HHAT: variants seen among roughly 807,000 people sequenced by gnomAD.
The protein encoded by HHAT is hedgehog acyltransferase.
In HHAT, 47 loss-of-function variants were observed where a neutral mutation model predicts 70.8. The observed-to-expected ratio is 0.66, with a 90% CI of 0.53 to 0.85. HHAT has a LOEUF of 0.85. Among genes scored for constraint, HHAT ranks in the 40% least tolerant of loss-of-function variants. The probability of loss-of-function intolerance (pLI) is 0.00; values close to 1 mark genes in which losing one functional copy is unlikely to be tolerated. For missense variants in HHAT, 609 were observed against 604.8 expected (o/e 1.01, Z -0.07); for synonymous variants, 228 against 247.6 (o/e 0.92, Z 0.74).
intron 10 of HHAT, among the ~76,000 whole-genome samples, chr1:210,613,482 G>A (rs1238198888): frequency 2.0e-5 from 3 of 152,110 alleles, no homozygotes; most frequent in African/African-American, 7.2e-5. Flanking sequence ...TGGTCTATAT[G>A]TTTATCTTTA....
intron 11 of HHAT, among the ~76,000 whole-genome samples, chr1:210,647,512 G>A (rs906634015): frequency 6.6e-6 from 1 of 152,156 alleles, no homozygotes; most frequent in Non-Finnish European, 1.5e-5. Context: ...CATATGGCAC[G>A]TTAGGGGGAG....
At chr1:210,531,981 G>A (rs1293430897) in intron 9 of HHAT, among the ~76,000 whole-genome samples, 2 of 152,170 alleles carry the variant, frequency 1.3e-5, no homozygotes, top group African/African-American at 2.4e-5. Flanking sequence ...GGGAAGGTCC[G>A]ACCTTCAAAA....
intron 11 of HHAT, among the ~76,000 whole-genome samples, chr1:210,670,741 G>C (rs1369102990): frequency 1.3e-5 from 2 of 152,174 alleles, no homozygotes; most frequent in African/African-American, 4.8e-5. Flanking sequence ...CCAGTGAGCT[G>C]TGGGCATGTA....
At chr1:210,475,569 G>C (rs1225752844) in intron 8 of HHAT, among the ~76,000 whole-genome samples, 2 of 152,170 alleles carry the variant, frequency 1.3e-5, no homozygotes, top group Non-Finnish European at 2.9e-5. Context: ...GGCAGGGGAA[G>C]CTAGAACATG....
intron 9 of HHAT, among the ~76,000 whole-genome samples, chr1:210,577,746 A>G (rs971668775): frequency 6.2e-5 from 9 of 145,710 alleles, no homozygotes; most frequent in African/African-American, 1.5e-4. Context: ...TCCTGAGTTC[A>G]AGCAATTCTC....
At chr1:210,476,878 A>G (rs981570025) in intron 8 of HHAT, among the ~76,000 whole-genome samples, 1 of 152,228 alleles carries the variant, frequency 6.6e-6, no homozygotes, top group Non-Finnish European at 1.5e-5. Context: ...TCTCCTATGA[A>G]CAGTGTATGC....
intron 10 of HHAT, among the ~76,000 whole-genome samples, chr1:210,596,797 G>A (rs1403661883): frequency 6.6e-6 from 1 of 152,058 alleles, no homozygotes; most frequent in Admixed American, 6.6e-5. Flanking sequence ...ACATATCTTT[G>A]TGTCTCAGTG....
chr1:210,649,649 A>C (rs779394045), intron 11 of HHAT, among the ~76,000 whole-genome samples: 2 of 152,242 alleles, frequency 1.3e-5, no homozygotes, highest in Non-Finnish European at 2.9e-5. Flanking sequence ...TGGAGATCAG[A>C]GTCGAGAATG....
chr1:210,372,991 T>A (rs993748721), intron 3 of HHAT, among the ~76,000 whole-genome samples: 1 of 152,212 alleles, frequency 6.6e-6, no homozygotes, highest in Non-Finnish European at 1.5e-5. Context: ...CTTATGCTAG[T>A]AAACTTTCAG....
At chr1:210,669,524 C>T (rs937063845) in intron 11 of HHAT, among the ~76,000 whole-genome samples, 3 of 152,210 alleles carry the variant, frequency 2.0e-5, no homozygotes, top group Non-Finnish European at 2.9e-5. Context: ...TCCTAGTTAT[C>T]TGCAATTAGC....
At chr1:210,464,945 C>G (rs1572634765) in intron 8 of HHAT, among the ~76,000 whole-genome samples, 2 of 152,282 alleles carry the variant, frequency 1.3e-5, no homozygotes, top group African/African-American at 4.8e-5. Flanking sequence ...CTGGGAAAGG[C>G]TACTGTATCT....
chr1:210,592,550 T>C (rs1036015980), intron 10 of HHAT, among the ~76,000 whole-genome samples: 1 of 152,150 alleles, frequency 6.6e-6, no homozygotes, highest in African/African-American at 2.4e-5. Context: ...TTAGGATTTT[T>C]TTTTTAAATT....
At chr1:210,532,643 G>T (rs1487526281) in intron 9 of HHAT, among the ~76,000 whole-genome samples, 1 of 152,190 alleles carries the variant, frequency 6.6e-6, no homozygotes, top group Non-Finnish European at 1.5e-5. Context: ...TGGAGTTTTA[G>T]ATACTGGATT....
chr1:210,414,684 C>T (rs1373168931), intron 6 of HHAT, among the ~76,000 whole-genome samples: 1 of 152,058 alleles, frequency 6.6e-6, no homozygotes, highest in Non-Finnish European at 1.5e-5. Context: ...CAAATATTCA[C>T]AACATTGTAA....
chr1:210,357,047 C>T (rs907702351), intron 2 of HHAT, among the ~76,000 whole-genome samples: 2 of 152,242 alleles, frequency 1.3e-5, no homozygotes, highest in African/African-American at 4.8e-5. Context: ...AGGCTCCAAA[C>T]ATTCTGTTTG....
chr1:210,438,746 AC>A (rs1305098811), intron 7 of HHAT, among the ~76,000 whole-genome samples: 2 of 151,958 alleles, frequency 1.3e-5, no homozygotes, highest in East Asian at 3.8e-4. Flanking sequence ...TTATATAATG[AC>A]AATAAAAATA....
Position 210,329,012 on chromosome 1 carries a change from T to A in HHAT, c.-136T>A, listed in dbSNP as rs1477206106. 1 of 1,389,098 alleles carries A rather than the reference T, an allele frequency of 7.2e-7. No individual in the cohort carries two copies. The highest frequency in any genetic ancestry group is 9.3e-7 in the Non-Finnish European group (1 of 1,070,910). The allele number at this position is 1,389,098 out of a possible 1,614,324, so 86.0% of individuals were successfully genotyped here. A position where few individuals can be genotyped will look rare whatever the true frequency, so the allele number is the denominator to read the frequency against. On this transcript the variant is annotated 5_prime_UTR_variant, in exon 1 of 12. It removes an upstream start codon present in the reference 5' UTR. Transcript: ENST00000261458. ...CGGGGAAGCCCGCAGCCGCCGCCGA[T>A]GTCGCTGGGACTCGGAAGTGCCGAA...
chr1:210,387,806 G>C (rs1474822941), intron 4 of HHAT, among the ~76,000 whole-genome samples: 1 of 152,198 alleles, frequency 6.6e-6, no homozygotes, highest in Non-Finnish European at 1.5e-5. Context: ...AAAGGTTGTA[G>C]TGTAAAACTA....
intron 7 of HHAT, among the ~76,000 whole-genome samples, chr1:210,438,566 A>T (rs937097736): frequency 6.6e-6 from 1 of 151,366 alleles, no homozygotes; most frequent in Non-Finnish European, 1.5e-5. Context: ...TATACCTGCC[A>T]CTCCTAATTT....
Sources: allele counts gnomAD v4.1 joint callset (sites outside exome capture counted in the v4.1 genomes callset), GRCh38; gene constraint gnomAD v4.1.1; transcripts MANE v1.5; gene names NCBI Gene and HGNC (gene_info 2026-07-23, HGNC 2026-07-21).